PTPRU: variants seen among roughly 807,000 people sequenced by gnomAD.
PTPRU encodes protein tyrosine phosphatase receptor type U, also known as receptor-type tyrosine-protein phosphatase U.
A neutral mutation model predicts 166.3 loss-of-function variants in PTPRU; 69 were observed. That is an observed-to-expected ratio of 0.41 (90% CI 0.34 to 0.51). The LOEUF is 0.51. Among genes scored for constraint, PTPRU ranks in the 20% least tolerant of loss-of-function variants. The pLI is 0.09. For missense variants in PTPRU, 1,657 were observed against 2,013.7 expected (o/e 0.82, Z 3.39); for synonymous variants, 793 against 814.0 (o/e 0.97, Z 0.44).
intron 14 of PTPRU, among the ~76,000 whole-genome samples, chr1:29,286,338 A>G (rs1298009813): frequency 6.6e-6 from 1 of 152,186 alleles, no homozygotes; most frequent in Non-Finnish European, 1.5e-5. Flanking sequence ...TTGGACATCT[A>G]CTGTGTACCA....
intron 25 of PTPRU, among the ~76,000 whole-genome samples, chr1:29,319,971 G>A (rs1688081227): frequency 6.6e-6 from 1 of 152,194 alleles, no homozygotes; most frequent in Non-Finnish European, 1.5e-5. Context: ...GTCGGGGCCT[G>A]TCACTGCCTG....
At chr1:29,255,226 G>T in intron 1 of PTPRU, 49 bp from the exon 2 acceptor site, 3 of 1,588,824 alleles carry the variant, frequency 1.9e-6, no homozygotes, top group Non-Finnish European at 2.6e-6. Context: ...GAGCCCTCCT[G>T]GCCAGCAGCC....
At chr1:29,302,843 C>T (rs1409469973) in intron 15 of PTPRU, among the ~76,000 whole-genome samples, 1 of 152,120 alleles carries the variant, frequency 6.6e-6, no homozygotes, top group Non-Finnish European at 1.5e-5. Context: ...GCCACCACAC[C>T]CGGCCCATTT....
chr1:29,283,299 C>A (rs1436958620), intron 12 of PTPRU, among the ~76,000 whole-genome samples: 1 of 150,832 alleles, frequency 6.6e-6, no homozygotes, highest in African/African-American at 2.4e-5. Flanking sequence ...TCCCAGAGTC[C>A]GTCCCATAGT....
rs970223025 is a variant in PTPRU at position 29,260,258 on chromosome 1, C to G, written c.850+214C>G. The G allele has an allele frequency of 1.8e-6, 1 of 549,766 alleles. No homozygotes were observed. Among genetic ancestry groups the G allele is most frequent in the African/African-American group, 2.0e-5 (1 of 49,992 alleles). The allele number at this position is 549,766 out of a possible 1,614,324, so 34.1% of individuals were successfully genotyped here. On this transcript the variant is annotated intron_variant, in intron 6 of 29. Transcript: ENST00000373779. The surrounding 1 kb of genome is among the most constrained non-coding windows in gnomAD (Gnocchi z 8.3). Reference sequence around the variant, plus strand: ...CGGGGCTGGCTTCGAGGGGGACGGACAGGGTCAAGGTGAGAGCCTAAAGAG... The same window carrying G: ...CGGGGCTGGCTTCGAGGGGGACGGAGAGGGTCAAGGTGAGAGCCTAAAGAG...
chr1:29,284,953 G>GCCCTACCA, intron 14 of PTPRU, 84 bp downstream of exon 14: 2 of 1,505,714 alleles, frequency 1.3e-6, no homozygotes, highest in Non-Finnish European at 1.8e-6. Flanking sequence ...GCTAAGAGCT[G>GCCCTACCA]GTAGGGCAGC....
At chr1:29,306,673 C>G (rs376123425) in intron 18 of PTPRU, among the ~76,000 whole-genome samples, 1 of 152,124 alleles carries the variant, frequency 6.6e-6, no homozygotes, top group Non-Finnish European at 1.5e-5. Context: ...GCTGCCTAAG[C>G]AAAGGCCTGG....
chr1:29,295,767 A>AC (rs1158393035), intron 15 of PTPRU, among the ~76,000 whole-genome samples: 1 of 151,978 alleles, frequency 6.6e-6, no homozygotes, highest in Admixed American at 6.6e-5. Flanking sequence ...GCTCACTCCA[A>AC]CCTCTGCCTC....
intron 7 of PTPRU, among the ~76,000 whole-genome samples, chr1:29,274,589 C>T (rs1379216956): frequency 1.3e-5 from 2 of 152,110 alleles, no homozygotes; most frequent in Non-Finnish European, 2.9e-5. Context: ...CTCTCATTTC[C>T]CTCATTACCC....
chr1:29,310,970 C>T (rs1002421463), intron 19 of PTPRU, among the ~76,000 whole-genome samples, 190 bp downstream of exon 19: 3 of 152,202 alleles, frequency 2.0e-5, no homozygotes, highest in African/African-American at 4.8e-5. Flanking sequence ...ATCTGGCCAA[C>T]TGCCTTTGTC....
At position 29,303,905 on chromosome 1, in the gene PTPRU, T is replaced by A. The variant is rs1181666474; in HGVS notation, c.2527T>A (p.Ser843Thr). Residue 843 changes from serine (S) to threonine (T), a missense_variant, in exon 16 of 30, where the codon TCC (serine) becomes ACC (threonine). This residue lies in a region of PTPRU where 1,190 missense variants were observed against 1,477.4 expected (regional missense o/e 0.81). Transcript: ENST00000373779. Reference sequence around the variant, plus strand: ...TGAGGCCAGCAGCCTCCTGGGGGGCTCCCCGAGGCGTCCCTGTGGCCGGAA... The same window carrying A: ...TGAGGCCAGCAGCCTCCTGGGGGGCACCCCGAGGCGTCCCTGTGGCCGGAA... ...VTEASSLLGGSPRRPCGRKGS... is the reference protein window; with the variant it reads ...VTEASSLLGGTPRRPCGRKGS... The A allele has an allele frequency of 1.2e-6, 2 of 1,613,554 alleles. No individual in the cohort carries two copies. Among genetic ancestry groups the A allele is most frequent in the Non-Finnish European group, 1.7e-6 (2 of 1,179,570 alleles).
intron 22 of PTPRU, 132 bp downstream of exon 22, chr1:29,312,838 G>A (rs1162164691): frequency 1.5e-5 from 18 of 1,216,638 alleles, no homozygotes; most frequent in Non-Finnish European, 1.9e-5. Context: ...GAGTGCAGGA[G>A]GGAACGACCC....
At chr1:29,288,382 GTGT>G (rs1377539929) in intron 14 of PTPRU, among the ~76,000 whole-genome samples, 2 of 152,168 alleles carry the variant, frequency 1.3e-5, no homozygotes, top group Non-Finnish European at 2.9e-5. Flanking sequence ...AGGGTGCTGG[GTGT>G]TGGGGGCAAA....
Position 29,280,217 on chromosome 1 carries a change from C to A in PTPRU, c.1868+76C>A. On this transcript the variant is annotated intron_variant, in intron 11 of 29. Coordinates refer to ENST00000373779, the MANE Select transcript of PTPRU (RefSeq NM_133178.4). The surrounding 1 kb of genome is among the most constrained non-coding windows in gnomAD (Gnocchi z 4.2). ...CCCCTCCTCTGACCCAGAGCCCCATCCCAGGCCAGCTCACCCTTTTCCTCC... is the reference window on the plus strand; with the variant it reads ...CCCCTCCTCTGACCCAGAGCCCCATACCAGGCCAGCTCACCCTTTTCCTCC... The A allele has an allele frequency of 1.4e-6, 2 of 1,386,376 alleles. No individual in the cohort carries two copies. The highest frequency in any genetic ancestry group is 2.3e-5 in the East Asian group (1 of 43,092). The allele number at this position is 1,386,376 out of a possible 1,614,324, so 85.9% of individuals were successfully genotyped here.
At position 29,317,947 on chromosome 1, in the gene PTPRU, C is replaced by T. The variant is rs1687978736; in HGVS notation, c.3687+26C>T. ...GTGAGAGCTTGGGGTGGAGTGGGCT[C>T]TGGGGCTCCCCTTCCCAGCAGCATC... On this transcript the variant is annotated intron_variant, in intron 25 of 29. Coordinates refer to ENST00000373779, the MANE Select transcript of PTPRU (RefSeq NM_133178.4). This position sits in a 1 kb window ranked among gnomAD's most constrained non-coding sequence, Gnocchi z 5.6. The T allele has an allele frequency of 6.2e-7, 1 of 1,611,204 alleles. No homozygotes were observed. The highest frequency in any genetic ancestry group is 1.3e-5 in the African/African-American group (1 of 74,880).
Position 29,279,779 on chromosome 1 carries a change from AT to A in PTPRU, c.1765+123del. The A allele has an allele frequency of 8.2e-7, 1 of 1,220,042 alleles. No individual in the cohort carries two copies. The highest frequency in any genetic ancestry group is 1.2e-6 in the Non-Finnish European group (1 of 862,270). 75.6% of individuals were successfully genotyped at this position (1,220,042 alleles called of 1,614,324 possible). On this transcript the variant is annotated intron_variant, in intron 10 of 29. Transcript: ENST00000373779. The surrounding 1 kb of genome is among the most constrained non-coding windows in gnomAD (Gnocchi z 5.2). ...TTACAGAGGGCCCCTGCTGAGATAA[AT>A]ATGCCATTTAGGAGTTAAAGTCAGG...
Position 29,260,384 on chromosome 1 carries a change from G to C in PTPRU, c.851-226G>C. 2.1e-6 allele frequency: 1 copy of C among 481,458 alleles called. No homozygotes were observed. The highest frequency in any genetic ancestry group is 3.6e-6 in the Non-Finnish European group (1 of 280,112). The allele number at this position is 481,458 out of a possible 1,614,324, so 29.8% of individuals were successfully genotyped here. A position where few individuals can be genotyped will look rare whatever the true frequency, so the allele number is the denominator to read the frequency against. ...GGGGATTAGGAGGGGCCTGAGAGAG[G>C]GGTTGTGGGCTGATGGGCGAGGGCG... On this transcript the variant is annotated intron_variant, in intron 6 of 29. Coordinates refer to ENST00000373779, the MANE Select transcript of PTPRU (RefSeq NM_133178.4). The surrounding 1 kb of genome is among the most constrained non-coding windows in gnomAD (Gnocchi z 8.3).
At position 29,304,829 on chromosome 1, in the gene PTPRU, G is replaced by A. The variant is rs774083255; in HGVS notation, c.2723G>A (p.Arg908Gln). Residue 908 changes from arginine to glutamine, a missense_variant, in exon 17 of 30, where the codon CGG becomes CAG. Physicochemically the swap from Arg to Gln is conservative, Grantham distance 43. Around this residue, in one of 3 missense-constraint regions of PTPRU, gnomAD observed 1,190 missense variants for 1,477.4 expected, o/e 0.81. Coordinates refer to ENST00000373779, the MANE Select transcript of PTPRU (RefSeq NM_133178.4). The part of the protein sequence containing the change: ...TKKKDKVKGS[R>Q]QEPMPAYDRH... ...AAGAAAGACAAGGTCAAGGGCAGCC[G>A]GCAGGAGCCAATGCCTGCCTGTGAG... is the stretch of plus-strand genomic sequence containing the variant. The A allele has an allele frequency of 6.8e-6, 11 of 1,612,014 alleles. No homozygotes were observed. The highest frequency in any genetic ancestry group is 1.1e-5 in the South Asian group (1 of 90,902).
chr1:29,323,935 C>T, intron 28 of PTPRU, 147 bp downstream of exon 28: 2 of 1,070,786 alleles, frequency 1.9e-6, no homozygotes, highest in Admixed American at 2.9e-5. Context: ...AGGATGCTGC[C>T]CAACCAGCCA....
Sources: gnomAD v4.1 joint callset for allele counts (sites outside exome capture counted in the v4.1 genomes callset) on GRCh38, gnomAD v4.1.1 for gene constraint, gnomAD v4.1.1 regional missense constraint, Gnocchi (gnomAD v3.1) non-coding constraint, MANE v1.5 for transcripts, NCBI Gene and HGNC (gene_info 2026-07-23, HGNC 2026-07-21) for gene names.